Variants in ELMO1 observed in about 807,000 individuals in gnomAD.
The protein encoded by ELMO1 is engulfment and cell motility 1.
A neutral mutation model predicts 98.9 loss-of-function variants in ELMO1; 26 were observed. The observed-to-expected ratio is 0.26, with a 90% CI of 0.19 to 0.36. The LOEUF (loss-of-function observed/expected upper bound fraction) is 0.36, where lower values mean the gene tolerates loss of function less well. Ranked by LOEUF, ELMO1 falls within the 10% of genes least tolerant of loss-of-function variation. The pLI is 1.00. For synonymous variants in ELMO1, 346 were observed against 346.0 expected (o/e 1.00, Z 0.00); for missense variants, 627 against 935.2 (o/e 0.67, Z 4.30).
chr7:37,251,759 G>T lies in ELMO1; in HGVS notation c.414-7368C>A, dbSNP rs545677498. Among the ~76,000 whole-genome samples, 8 of 152,162 alleles carry T rather than the reference G, an allele frequency of 5.3e-5. No homozygotes were observed. The East Asian group carries it at 1.4e-3, about 26-fold the overall frequency. ...AATCAGGCAAGAAAAAGAAATAAAG[G>T]GTATTCAAATAGGAAGACAGTAAGT... is the stretch of plus-strand genomic sequence containing the variant. On this transcript the variant is annotated intron_variant, in intron 6 of 21. Coordinates refer to ENST00000310758, the MANE Select transcript of ELMO1 (RefSeq NM_014800.11).
chr7:37,165,745 T>A (rs1006289711), intron 13 of ELMO1, among the ~76,000 whole-genome samples: 2 of 152,182 alleles, frequency 1.3e-5, no homozygotes, highest in Non-Finnish European at 2.9e-5. Flanking sequence ...TTACCAGTAT[T>A]TTATTGAGGA....
intron 6 of ELMO1, among the ~76,000 whole-genome samples, chr7:37,247,793 G>A (rs1795090927): frequency 6.6e-6 from 1 of 152,076 alleles, no homozygotes; most frequent in African/African-American, 2.4e-5. Flanking sequence ...GACAGAGCTG[G>A]GACAACAGGT....
chr7:37,159,110 C>T (rs1789009462), intron 13 of ELMO1, among the ~76,000 whole-genome samples: 1 of 152,114 alleles, frequency 6.6e-6, no homozygotes. Context: ...ACAATGAGAA[C>T]ACATGCACAC....
chr7:37,330,495 G>T (rs1222277977), intron 2 of ELMO1, among the ~76,000 whole-genome samples: 1 of 151,696 alleles, frequency 6.6e-6, no homozygotes, highest in African/African-American at 2.4e-5. Context: ...TTTATTTGAG[G>T]GGCATATGTT....
At chr7:37,219,199 C>T (rs1793461361) in intron 10 of ELMO1, among the ~76,000 whole-genome samples, 1 of 152,188 alleles carries the variant, frequency 6.6e-6, no homozygotes, top group Non-Finnish European at 1.5e-5. Context: ...GAGGAGGAAG[C>T]TTTACCCTAG....
chr7:37,157,886 A>G (rs963585060), intron 13 of ELMO1, among the ~76,000 whole-genome samples: 1 of 152,122 alleles, frequency 6.6e-6, no homozygotes, highest in African/African-American at 2.4e-5. Flanking sequence ...GAGGCATCAC[A>G]CTACCAGACT....
intron 2 of ELMO1, among the ~76,000 whole-genome samples, chr7:37,318,238 CCA>C (rs1229719700): frequency 6.6e-6 from 1 of 152,170 alleles, no homozygotes; most frequent in African/African-American, 2.4e-5. Flanking sequence ...AAACTTATTT[CCA>C]TAAGACAAGA....
chr7:37,234,277 C>A (rs1794340449), intron 7 of ELMO1, among the ~76,000 whole-genome samples: 1 of 152,042 alleles, frequency 6.6e-6, no homozygotes, highest in Non-Finnish European at 1.5e-5. Context: ...TTATTGATAT[C>A]CTACAAAGTC....
intron 16 of ELMO1, among the ~76,000 whole-genome samples, chr7:36,941,932 C>A (rs531304340): frequency 6.6e-6 from 1 of 152,226 alleles, no homozygotes; most frequent in Non-Finnish European, 1.5e-5. Flanking sequence ...GACTTGAATT[C>A]TGCTTCCTAA....
At chr7:37,332,140 G>C (rs1286911097) in intron 2 of ELMO1, among the ~76,000 whole-genome samples, 2 of 152,196 alleles carry the variant, frequency 1.3e-5, no homozygotes, top group Admixed American at 1.3e-4. Flanking sequence ...TTGTCTCAAA[G>C]TCACTGATTG....
chr7:37,246,350 C>G (rs1239534784), intron 6 of ELMO1, among the ~76,000 whole-genome samples: 1 of 152,136 alleles, frequency 6.6e-6, no homozygotes, highest in East Asian at 1.9e-4. Flanking sequence ...TGAGGCTTTA[C>G]ATAGTTTCAC....
At chr7:37,034,500 A>G (rs1474577374) in intron 15 of ELMO1, among the ~76,000 whole-genome samples, 1 of 152,180 alleles carries the variant, frequency 6.6e-6, no homozygotes, top group Non-Finnish European at 1.5e-5. Flanking sequence ...ACAGTCAAAA[A>G]TCTATGTGTA....
At chr7:37,323,684 A>G (rs1443851372) in intron 2 of ELMO1, among the ~76,000 whole-genome samples, 2 of 152,260 alleles carry the variant, frequency 1.3e-5, no homozygotes, top group South Asian at 2.1e-4. Flanking sequence ...CTGATTTTCA[A>G]TCTATCTCTC....
chr7:37,134,654 T>G (rs575887404), intron 13 of ELMO1, among the ~76,000 whole-genome samples: 49 of 151,674 alleles, frequency 3.2e-4, no homozygotes, highest in Non-Finnish European at 6.0e-4. Context: ...AGATATAGAA[T>G]CCACCTATGT....
At chr7:37,301,251 A>G (rs974561145) in intron 4 of ELMO1, among the ~76,000 whole-genome samples, 2 of 152,070 alleles carry the variant, frequency 1.3e-5, no homozygotes, top group Non-Finnish European at 2.9e-5. Context: ...GGAAGGAAAA[A>G]CAATCAGAAG....
At chr7:36,922,782 C>A (rs1035097064) in intron 16 of ELMO1, among the ~76,000 whole-genome samples, 8 of 152,162 alleles carry the variant, frequency 5.3e-5, no homozygotes, top group Non-Finnish European at 1.0e-4. Flanking sequence ...TAAGAACCCC[C>A]CTTTCATATT....
At chr7:36,985,816 A>G (rs1371673585) in intron 16 of ELMO1, 3 of 749,122 alleles carry the variant, frequency 4.0e-6, no homozygotes, top group Non-Finnish European at 5.0e-6. Flanking sequence ...CCGCTCCTCC[A>G]TGTGCTTGTT....
chr7:37,446,545 G>A (rs142177534), intron 1 of ELMO1, among the ~76,000 whole-genome samples: 1,563 of 152,258 alleles, frequency 0.01, 20 homozygotes, highest in African/African-American at 0.036. Flanking sequence ...CATGGGCAAA[G>A]GCCCTAGGGA....
intron 16 of ELMO1, among the ~76,000 whole-genome samples, chr7:36,949,846 C>T (rs186162021): frequency 2.0e-5 from 3 of 152,272 alleles, no homozygotes; most frequent in East Asian, 1.9e-4. Flanking sequence ...CCAGACATTG[C>T]GAAATCCCTC....
Sources: gnomAD v4.1 joint callset for allele counts (sites outside exome capture counted in the v4.1 genomes callset) on GRCh38, gnomAD v4.1.1 for gene constraint, MANE v1.5 for transcripts, NCBI Gene and HGNC (gene_info 2026-07-23, HGNC 2026-07-21) for gene names.